RSRC1: variants seen among roughly 807,000 people sequenced by gnomAD.
RSRC1 encodes arginine and serine rich coiled-coil 1.
A neutral mutation model predicts 49.1 loss-of-function variants in RSRC1; 39 were observed. The ratio of observed to expected loss-of-function variants is 0.79; its 90% confidence interval spans 0.61 to 1.04. The LOEUF is 1.04. Ranked by LOEUF, RSRC1 falls within the 50% of genes least tolerant of loss-of-function variation. The pLI is 0.00. For synonymous variants in RSRC1, 143 were observed against 130.8 expected (o/e 1.09, Z -0.63); for missense variants, 388 against 402.4 (o/e 0.96, Z 0.31).
chr3:158,528,510 G>A (rs1421399373), intron 7 of RSRC1, among the ~76,000 whole-genome samples: 6 of 151,880 alleles, frequency 4.0e-5, no homozygotes, highest in African/African-American at 1.4e-4. Flanking sequence ...TGTGCCCTGC[G>A]ATGTCTGCAT....
At chr3:158,504,254 G>A (rs1479873958) in intron 7 of RSRC1, among the ~76,000 whole-genome samples, 1 of 152,180 alleles carries the variant, frequency 6.6e-6, no homozygotes, top group Non-Finnish European at 1.5e-5. Flanking sequence ...GGAGCAGTCA[G>A]CTTCCTTCAT....
intron 6 of RSRC1, among the ~76,000 whole-genome samples, chr3:158,422,330 G>T (rs952454579): frequency 2.0e-5 from 3 of 148,920 alleles, no homozygotes; most frequent in Admixed American, 1.3e-4. Context: ...GCGGTGTTTG[G>T]TTTTTTGTTC....
chr3:158,528,466 G>GT (rs1364506328), intron 7 of RSRC1, among the ~76,000 whole-genome samples: 2 of 151,814 alleles, frequency 1.3e-5, no homozygotes, highest in Non-Finnish European at 2.9e-5. Context: ...AAAGAGCTGC[G>GT]TATCTCTGAT....
At chr3:158,307,163 A>T (rs1727884096) in intron 5 of RSRC1, among the ~76,000 whole-genome samples, 1 of 151,742 alleles carries the variant, frequency 6.6e-6, no homozygotes, top group African/African-American at 2.4e-5. Context: ...AGCACATATG[A>T]ATATTATTTT....
At chr3:158,124,375 T>C (rs1412917068) in intron 3 of RSRC1, among the ~76,000 whole-genome samples, 2 of 152,218 alleles carry the variant, frequency 1.3e-5, no homozygotes, top group African/African-American at 4.8e-5. Flanking sequence ...ACTTATGGCT[T>C]GCAGTTTTCT....
intron 6 of RSRC1, among the ~76,000 whole-genome samples, chr3:158,371,427 C>CT (rs374867341): frequency 9.9e-5 from 15 of 150,876 alleles, no homozygotes; most frequent in East Asian, 1.9e-4. Context: ...AACCACTGAT[C>CT]TTTTTTTTTG....
chr3:158,328,025 G>A (rs184550543), intron 5 of RSRC1, among the ~76,000 whole-genome samples: 115 of 152,252 alleles, frequency 7.6e-4, no homozygotes, highest in Middle Eastern at 6.8e-3. Context: ...TTGGTTTAAA[G>A]TCTGTTTTAT....
At chr3:158,364,089 C>CTTG (rs1731627536) in intron 6 of RSRC1, among the ~76,000 whole-genome samples, 10 of 152,182 alleles carry the variant, frequency 6.6e-5, no homozygotes, top group Admixed American at 6.5e-4. Context: ...CAAGTCCTGA[C>CTTG]CCTTTCTCTT....
At chr3:158,146,825 C>T (rs1717158098) in intron 3 of RSRC1, among the ~76,000 whole-genome samples, 1 of 152,070 alleles carries the variant, frequency 6.6e-6, no homozygotes, top group Non-Finnish European at 1.5e-5. Flanking sequence ...TTGGTCTATT[C>T]AGAGATTTAG....
chr3:158,262,543 A>G (rs1724960849), intron 4 of RSRC1, among the ~76,000 whole-genome samples: 1 of 152,122 alleles, frequency 6.6e-6, no homozygotes, highest in Non-Finnish European at 1.5e-5. Context: ...TGACTGTCTT[A>G]AGTTCTTTGT....
At chr3:158,409,004 G>C (rs1201234351) in intron 6 of RSRC1, among the ~76,000 whole-genome samples, 1 of 152,026 alleles carries the variant, frequency 6.6e-6, no homozygotes, top group African/African-American at 2.4e-5. Context: ...CTGCACTCCA[G>C]CCTGGGCAAC....
chr3:158,527,003 A>G (rs757241252), intron 7 of RSRC1, among the ~76,000 whole-genome samples: 2 of 151,662 alleles, frequency 1.3e-5, no homozygotes, highest in African/African-American at 2.4e-5. Context: ...AGAATTAACC[A>G]TGAGAGGAAA....
At chr3:158,272,051 A>G (rs1028380862) in intron 4 of RSRC1, among the ~76,000 whole-genome samples, 3 of 151,802 alleles carry the variant, frequency 2.0e-5, no homozygotes, top group African/African-American at 7.3e-5. Flanking sequence ...TTTTTTTTCC[A>G]AAGGATTAAG....
In RSRC1 at chr3:158,354,950, G is replaced by A. The variant is rs754464122; in HGVS notation, c.583+42G>A. ...AACTTTTATTAAATGAAGAAGTGACGAGTAAACCCTAGGCTGGTAGCATGC... is the reference window on the plus strand; with the variant it reads ...AACTTTTATTAAATGAAGAAGTGACAAGTAAACCCTAGGCTGGTAGCATGC... On this transcript the variant is annotated intron_variant, in intron 6 of 9. Transcript: ENST00000611884. 13 of 1,354,324 alleles carry A rather than the reference G, an allele frequency of 9.6e-6. No individual in the cohort carries two copies. In the East Asian group the frequency reaches 1.0e-4, roughly 11 times the overall value. The allele number at this position is 1,354,324 out of a possible 1,614,324, so 83.9% of individuals were successfully genotyped here.
chr3:158,478,359 A>G (rs1218501976), intron 7 of RSRC1, among the ~76,000 whole-genome samples: 1 of 151,964 alleles, frequency 6.6e-6, no homozygotes, highest in Non-Finnish European at 1.5e-5. Flanking sequence ...ATCTATAAAC[A>G]TTTAAAATAA....
At chr3:158,477,120 TGCTTCTTATGGATGA>T (rs1738400309) in intron 7 of RSRC1, among the ~76,000 whole-genome samples, 1 of 152,152 alleles carries the variant, frequency 6.6e-6, no homozygotes, top group African/African-American at 2.4e-5. Context: ...AATGAGTAGT[TGCTTCTTATGGATGA>T]GCAAAGAAAG....
At chr3:158,155,968 A>G (rs554508024) in intron 3 of RSRC1, among the ~76,000 whole-genome samples, 3 of 152,286 alleles carry the variant, frequency 2.0e-5, no homozygotes, top group African/African-American at 7.2e-5. Context: ...GTTAACTCCT[A>G]ATAAAAGAGT....
In RSRC1 at chr3:158,354,907, T is replaced by C. The variant is rs1731075522; in HGVS notation, c.582T>C (p.Ala194=). 1.9e-6 allele frequency: 3 copies of C among 1,548,472 alleles called. No individual in the cohort carries two copies. The highest frequency in any genetic ancestry group is 4.8e-5 in the East Asian group (2 of 41,808). The change falls in exon 6 of 10, where the codon GCT becomes GCC. Residue 194 remains alanine, a splice_region_variant and synonymous_variant. Coordinates refer to ENST00000611884, the MANE Select transcript of RSRC1 (RefSeq NM_001271838.2). ...GACTACAGCTGGTTCTTGAAGCTGC[T>C]GGTAAGTGTTGATAATTAACTTTTA... ...KARLQLVLEA[A]AKADEALKAK...
chr3:158,146,877 A>G (rs919902942), intron 3 of RSRC1, among the ~76,000 whole-genome samples: 1 of 152,126 alleles, frequency 6.6e-6, no homozygotes, highest in Non-Finnish European at 1.5e-5. Flanking sequence ...TGTGTCGAGG[A>G]ATTTATCCAC....
Sources: gnomAD v4.1 joint callset for allele counts (sites outside exome capture counted in the v4.1 genomes callset) on GRCh38, gnomAD v4.1.1 for gene constraint, MANE v1.5 for transcripts, NCBI Gene and HGNC (gene_info 2026-07-23, HGNC 2026-07-21) for gene names.